The following RIN2 variants were observed in gnomAD, a reference collection of about 807,000 sequenced individuals.
RIN2 encodes Ras and Rab interactor 2, also known as RAB5 interacting protein 2.
In RIN2, 36 loss-of-function variants were observed where a neutral mutation model predicts 78.0. The observed-to-expected ratio is 0.46, with a 90% CI of 0.35 to 0.61. The LOEUF (loss-of-function observed/expected upper bound fraction) is 0.61. Among genes scored for constraint, RIN2 ranks in the 20% least tolerant of loss-of-function variants. The pLI is 0.00. For synonymous variants in RIN2, 466 were observed against 466.8 expected, an observed-to-expected ratio of 1.00 and a Z score of 0.02; for missense variants, 1,087 against 1,159.7, an observed-to-expected ratio of 0.94 and a Z score of 0.91.
At chr20:19,848,773 T>TA (rs2036865727) in intron 2 of RIN2, among the ~76,000 whole-genome samples, 1 of 152,170 alleles carries the variant, frequency 6.6e-6, no homozygotes, top group South Asian at 2.1e-4. Context: ...TTTTATCATT[T>TA]AAAAAACTAC....
At chr20:19,783,043 C>T (rs1236872747) in intron 1 of RIN2, among the ~76,000 whole-genome samples, 3 of 152,154 alleles carry the variant, frequency 2.0e-5, no homozygotes, top group Non-Finnish European at 2.9e-5. Flanking sequence ...AAGCAGCGGC[C>T]GCCTATGGTC....
At position 19,828,550 on chromosome 20, in the gene RIN2, T is replaced by C. The variant is rs60371554; in HGVS notation, c.-37+28803T>C. Among the ~76,000 whole-genome samples, 480 of 152,342 alleles carry C rather than the reference T, an allele frequency of 3.2e-3. 1 individual carries two copies. The highest frequency in any genetic ancestry group is 0.011 in the African/African-American group (460 of 41,584). ...TGCGTTGATGGTGGCTGTGGCATCC[T>C]GTCATCACAGTAGCCCTTTTATTCT... On this transcript the variant is annotated intron_variant, in intron 2 of 12. Coordinates refer to ENST00000255006, the MANE Select transcript of RIN2 (RefSeq NM_018993.4).
At chr20:19,980,066 A>AAAAAACC (rs2042399376) in intron 9 of RIN2, among the ~76,000 whole-genome samples, 1 of 145,378 alleles carries the variant, frequency 6.9e-6, no homozygotes, top group Non-Finnish European at 1.5e-5. Flanking sequence ...AAAAAAAAAA[A>AAAAAACC]CTCTTCTGAG....
At chr20:19,968,206 G>T (rs994464802) in intron 7 of RIN2, among the ~76,000 whole-genome samples, 5 of 152,112 alleles carry the variant, frequency 3.3e-5, no homozygotes, top group East Asian at 1.9e-4. Context: ...GCTGTTCCAG[G>T]CCCCACACGA....
chr20:19,993,934 T>C (rs1163745980), intron 11 of RIN2, among the ~76,000 whole-genome samples: 1 of 152,242 alleles, frequency 6.6e-6, no homozygotes, highest in Non-Finnish European at 1.5e-5. Flanking sequence ...CCGGTTTCAC[T>C]TAGAAAGTCG....
chr20:19,811,028 A>G (rs1369774559), intron 2 of RIN2, among the ~76,000 whole-genome samples: 1 of 139,362 alleles, frequency 7.2e-6, no homozygotes, highest in East Asian at 2.0e-4. Flanking sequence ...TGTTTTTCAA[A>G]TAACGATTGT....
In RIN2 at chr20:19,974,790, G is replaced by C. The variant is rs1484738858; in HGVS notation, c.765G>C (p.Arg255Ser). Residue 255 changes from arginine (R) to serine (S), a missense_variant, in exon 9 of 13, where the codon AGG becomes AGC. By Grantham distance (110) the Arg-to-Ser change is moderately radical. This residue lies in a region of RIN2 where 706 missense variants were observed against 667.5 expected (regional missense o/e 1.06). Transcript: ENST00000255006. Reference sequence around the variant, plus strand: ...ATGGAGTGCATTCTATCAAAACCAGGACGCCTTCAGAGCTGGAGTGCAGCC... The same window carrying C: ...ATGGAGTGCATTCTATCAAAACCAGCACGCCTTCAGAGCTGGAGTGCAGCC... ...LINGVHSIKT[R>S]TPSELECSQT... 1.2e-6 allele frequency: 2 copies of C among 1,614,012 alleles called. No individual in the cohort carries two copies. The highest frequency in any genetic ancestry group is 2.2e-5 in the East Asian group (1 of 44,870).
chr20:19,780,154 T>G (rs906173573), intron 1 of RIN2, among the ~76,000 whole-genome samples: 5 of 152,312 alleles, frequency 3.3e-5, no homozygotes, highest in Admixed American at 3.3e-4. Context: ...GCATGAATTG[T>G]TAATGTGGGA....
At chr20:19,815,741 C>T (rs1169409337) in intron 2 of RIN2, among the ~76,000 whole-genome samples, 2 of 152,162 alleles carry the variant, frequency 1.3e-5, no homozygotes, top group East Asian at 3.9e-4. Context: ...CTCTGGAGCC[C>T]GCTACACCAC....
chr20:19,844,590 GCTGCTTCTTCCTCTTCTTCTTCTT>G lies in RIN2; in HGVS notation c.-37+44846_-37+44869del, dbSNP rs1192541032. Among the ~76,000 whole-genome samples, 72 of 84,748 alleles carry G rather than the reference GCTGCTTCTTCCTCTTCTTCTTCTT, an allele frequency of 8.5e-4. 1 individual carries two copies. Among genetic ancestry groups the G allele is most frequent in the Admixed American group, 2.2e-3 (16 of 7,300 alleles). 55.6% of individuals were successfully genotyped at this position (84,748 alleles called of 152,430 possible). A position where few individuals can be genotyped will look rare whatever the true frequency, so the allele number is the denominator to read the frequency against. On this transcript the variant is annotated intron_variant, in intron 2 of 12. Transcript: ENST00000255006. ...CAACTAGAGAGCTGCTGCTGCTGCT[GCTGCTTCTTCCTCTTCTTCTTCTT>G]CTTCTTCTTCTTCTTCTTCTTCTTC...
intron 2 of RIN2, among the ~76,000 whole-genome samples, chr20:19,845,434 T>C (rs1194471117): frequency 5.3e-5 from 8 of 152,212 alleles, no homozygotes; most frequent in Non-Finnish European, 1.0e-4. Context: ...TTCTAACTGG[T>C]GTGAGATGGT....
intron 2 of RIN2, among the ~76,000 whole-genome samples, chr20:19,817,481 T>C (rs2035799497): frequency 6.6e-6 from 1 of 151,486 alleles, no homozygotes; most frequent in Non-Finnish European, 1.5e-5. Flanking sequence ...ACTATTGCAA[T>C]GGGGATTCGG....
At chr20:19,965,999 A>G (rs1185181489) in intron 7 of RIN2, among the ~76,000 whole-genome samples, 2 of 152,150 alleles carry the variant, frequency 1.3e-5, no homozygotes, top group Non-Finnish European at 2.9e-5. Flanking sequence ...TCTTACTAGC[A>G]ATAACAGTTT....
At chr20:19,848,230 T>G (rs888310579) in intron 2 of RIN2, among the ~76,000 whole-genome samples, 37 of 152,086 alleles carry the variant, frequency 2.4e-4, no homozygotes, top group Non-Finnish European at 4.6e-4. Context: ...AATAAAAAGT[T>G]GACTTAAAAA....
rs558908783 is a variant in RIN2, at chr20:19,853,057, A to G, written c.-36-36509A>G. On this transcript the variant is annotated intron_variant, in intron 2 of 12. Coordinates refer to ENST00000255006, the MANE Select transcript of RIN2 (RefSeq NM_018993.4). ...CTCCCCCCACCCCATGACAGGCCCCAGTGTGTGATGTTCCCCTTCCTGTGT... is the reference window on the plus strand; with the variant it reads ...CTCCCCCCACCCCATGACAGGCCCCGGTGTGTGATGTTCCCCTTCCTGTGT... Among the ~76,000 whole-genome samples the G allele has an allele frequency of 3.8e-3, 421 of 110,146 alleles. 6 individuals carry two copies. Among genetic ancestry groups the G allele is most frequent in the African/African-American group, 0.014 (394 of 27,698 alleles). 72.3% of individuals were successfully genotyped at this position (110,146 alleles called of 152,430 possible).
intron 2 of RIN2, among the ~76,000 whole-genome samples, chr20:19,882,885 T>A (rs2038067438): frequency 6.6e-6 from 1 of 152,062 alleles, no homozygotes; most frequent in Non-Finnish European, 1.5e-5. Context: ...CTGAAAAAAA[T>A]TAAGACAATG....
chr20:19,881,729 A>G lies in RIN2; in HGVS notation c.-36-7837A>G, dbSNP rs1439964265. Among the ~76,000 whole-genome samples the G allele has an allele frequency of 6.6e-5, 10 of 152,144 alleles. No homozygotes were observed. In the East Asian group the frequency reaches 1.7e-3, roughly 26 times the overall value. ...GTAGCAGCTGGAATTACAGGCATGC[A>G]CCACCACACCTGGCTAATAGACTCA... On this transcript the variant is annotated intron_variant, in intron 2 of 12. Coordinates refer to ENST00000255006, the MANE Select transcript of RIN2 (RefSeq NM_018993.4).
At chr20:19,811,639 T>G (rs1475526666) in intron 2 of RIN2, among the ~76,000 whole-genome samples, 4 of 152,206 alleles carry the variant, frequency 2.6e-5, no homozygotes, top group African/African-American at 9.6e-5. Context: ...ACTGTATGCC[T>G]ACAAGGTCTT....
intron 2 of RIN2, among the ~76,000 whole-genome samples, chr20:19,874,061 G>GGTGTGT (rs60818960): frequency 2.0e-5 from 3 of 150,024 alleles, no homozygotes; most frequent in Non-Finnish European, 3.0e-5. Flanking sequence ...TTCACATTTT[G>GGTGTGT]GTGTGTGTGT....
Sources: gnomAD v4.1 joint callset for allele counts (sites outside exome capture counted in the v4.1 genomes callset) on GRCh38, gnomAD v4.1.1 for gene constraint, gnomAD v4.1.1 regional missense constraint, MANE v1.5 for transcripts, NCBI Gene and HGNC (gene_info 2026-07-23, HGNC 2026-07-21) for gene names.